Variants in ATP8A2 observed in about 807,000 individuals in gnomAD.
ATP8A2 encodes phospholipid-transporting ATPase IB.
Under a neutral mutation model 165.6 loss-of-function variants are expected in ATP8A2, and 100 were observed. The observed-to-expected ratio is 0.60, with a 90% CI of 0.51 to 0.71. The LOEUF is 0.71. Ranked by LOEUF, ATP8A2 falls within the 30% of genes least tolerant of loss-of-function variation. ATP8A2 has a pLI of 0.00. For synonymous variants in ATP8A2, 543 were observed against 548.8 expected (o/e 0.99, Z 0.15); for missense variants, 1,227 against 1,479.5 (o/e 0.83, Z 2.80).
intron 10 of ATP8A2, among the ~76,000 whole-genome samples, chr13:25,550,102 C>A (rs562605055): frequency 2.6e-5 from 4 of 152,052 alleles, no homozygotes; most frequent in African/African-American, 9.7e-5. Flanking sequence ...GTCAGGAGTT[C>A]GACACCAGCC....
At chr13:25,804,153 C>T (rs1011160536) in intron 27 of ATP8A2, among the ~76,000 whole-genome samples, 5 of 152,082 alleles carry the variant, frequency 3.3e-5, no homozygotes, top group African/African-American at 7.2e-5. Context: ...TTTGCCTTTT[C>T]GTTTTTTCCA....
At chr13:25,683,321 TG>T (rs1456578867) in intron 24 of ATP8A2, among the ~76,000 whole-genome samples, 1 of 152,188 alleles carries the variant, frequency 6.6e-6, no homozygotes, top group African/African-American at 2.4e-5. Flanking sequence ...ACTGTCCCTG[TG>T]GACTGCAGTT....
chr13:25,612,967 T>C (rs867242173), intron 24 of ATP8A2, among the ~76,000 whole-genome samples: 1 of 152,278 alleles, frequency 6.6e-6, no homozygotes, highest in Middle Eastern at 3.4e-3. Flanking sequence ...CTGCATGCTT[T>C]TGGTGTCTGT....
intron 27 of ATP8A2, among the ~76,000 whole-genome samples, chr13:25,807,444 C>A (rs961178507): frequency 1.3e-5 from 2 of 152,092 alleles, no homozygotes; most frequent in African/African-American, 2.4e-5. Context: ...AAAGACTATT[C>A]TTTTTCCTAT....
intron 2 of ATP8A2, among the ~76,000 whole-genome samples, chr13:25,494,673 C>G (rs2137661851): frequency 6.6e-6 from 1 of 152,348 alleles, no homozygotes; most frequent in South Asian, 2.1e-4. Context: ...GTTTAAAAAA[C>G]TGAAAACATA....
intron 1 of ATP8A2, among the ~76,000 whole-genome samples, chr13:25,455,291 C>T (rs1322773353): frequency 2.0e-5 from 3 of 152,116 alleles, no homozygotes; most frequent in Non-Finnish European, 4.4e-5. Context: ...TATGTAGAGT[C>T]GAGTGTGCCA....
intron 24 of ATP8A2, among the ~76,000 whole-genome samples, chr13:25,660,441 T>C (rs978324159): frequency 6.6e-6 from 1 of 152,088 alleles, no homozygotes; most frequent in Non-Finnish European, 1.5e-5. Flanking sequence ...CAGAGGGCAG[T>C]TGAGAAATAG....
intron 24 of ATP8A2, among the ~76,000 whole-genome samples, chr13:25,693,652 A>G (rs938951176): frequency 1.3e-5 from 2 of 148,780 alleles, no homozygotes; most frequent in Admixed American, 1.4e-4. Flanking sequence ...TCAGAGAGAG[A>G]CATCCCTCAG....
intron 24 of ATP8A2, among the ~76,000 whole-genome samples, chr13:25,644,095 T>C (rs1174945416): frequency 6.6e-6 from 1 of 152,132 alleles, no homozygotes; most frequent in Non-Finnish European, 1.5e-5. Context: ...TAGTTGACTT[T>C]AGATTTTGCA....
chr13:26,014,783 T>A (rs1440904837), intron 36 of ATP8A2, among the ~76,000 whole-genome samples: 1 of 152,240 alleles, frequency 6.6e-6, no homozygotes, highest in African/African-American at 2.4e-5. Context: ...TGCCATTAGC[T>A]GAATAATTTT....
At chr13:25,802,133 C>T (rs1240587263) in intron 27 of ATP8A2, among the ~76,000 whole-genome samples, 1 of 152,144 alleles carries the variant, frequency 6.6e-6, no homozygotes, top group Admixed American at 6.5e-5. Context: ...GTATGAATAG[C>T]AGAACTTTAA....
intron 33 of ATP8A2, among the ~76,000 whole-genome samples, chr13:25,877,722 A>G (rs1379725070): frequency 6.6e-6 from 1 of 152,040 alleles, no homozygotes; most frequent in Non-Finnish European, 1.5e-5. Context: ...ATCTTTCCCA[A>G]TTTTTGCCTA....
At chr13:25,968,424 A>G (rs1955832668) in intron 34 of ATP8A2, 151 bp from the exon 35 acceptor site, 3 of 651,944 alleles carry the variant, frequency 4.6e-6, no homozygotes, top group Non-Finnish European at 8.2e-6. Context: ...AACCTGGGTC[A>G]TGCATGGAGA....
At chr13:25,893,530 T>TA (rs1273824645) in intron 33 of ATP8A2, among the ~76,000 whole-genome samples, 1 of 151,778 alleles carries the variant, frequency 6.6e-6, no homozygotes, top group Non-Finnish European at 1.5e-5. Flanking sequence ...TGTGTCTTTA[T>TA]AGCAGCATGA....
At chr13:25,767,915 T>G (rs1258766727) in intron 25 of ATP8A2, among the ~76,000 whole-genome samples, 1 of 152,178 alleles carries the variant, frequency 6.6e-6, no homozygotes, top group African/African-American at 2.4e-5. Context: ...GGTATCTTTG[T>G]GGGTAGAGAC....
intron 27 of ATP8A2, among the ~76,000 whole-genome samples, chr13:25,801,195 T>G (rs375624078): frequency 6.6e-6 from 1 of 152,178 alleles, no homozygotes; most frequent in Non-Finnish European, 1.5e-5. Context: ...CTCTAGGTAC[T>G]CTACTTCGGA....
chr13:25,867,817 G>C (rs1455637037), intron 33 of ATP8A2: 2 of 178,832 alleles, frequency 1.1e-5, no homozygotes, highest in Non-Finnish European at 2.4e-5. Context: ...GTGATGCTGG[G>C]AATGGGTCAG....
intron 1 of ATP8A2, among the ~76,000 whole-genome samples, chr13:25,421,343 A>AT (rs888474310): frequency 2.0e-5 from 3 of 152,012 alleles, no homozygotes; most frequent in East Asian, 1.9e-4. Flanking sequence ...CCTCTTTTAA[A>AT]TTTTTTTTAC....
At chr13:25,958,518 T>C (rs1039093226) in intron 33 of ATP8A2, among the ~76,000 whole-genome samples, 4 of 152,162 alleles carry the variant, frequency 2.6e-5, no homozygotes, top group African/African-American at 9.7e-5. Context: ...CCTCCAATCC[T>C]GTGTCTGGCT....
Sources: gnomAD v4.1 joint callset for allele counts (sites outside exome capture counted in the v4.1 genomes callset) on GRCh38, gnomAD v4.1.1 for gene constraint, MANE v1.5 for transcripts, NCBI Gene and HGNC (gene_info 2026-07-23, HGNC 2026-07-21) for gene names.